The following KCNH8 variants were observed in gnomAD, a reference collection of about 807,000 sequenced individuals.
The protein encoded by KCNH8 is voltage-gated delayed rectifier potassium channel KCNH8.
A neutral mutation model predicts 103.6 loss-of-function variants in KCNH8; 70 were observed. The ratio of observed to expected loss-of-function variants is 0.68; its 90% CI spans 0.56 to 0.82. KCNH8 has a LOEUF of 0.82. KCNH8 is among the 40% of genes least tolerant of loss of function. The probability of loss-of-function intolerance (pLI) is 0.00; values close to 1 mark genes in which losing one functional copy is unlikely to be tolerated. For missense variants in KCNH8, 1,217 were observed against 1,329.9 expected, an observed-to-expected ratio of 0.92 and a Z score of 1.32; for synonymous variants, 498 against 489.4, an observed-to-expected ratio of 1.02 and a Z score of -0.23.
intron 11 of KCNH8, among the ~76,000 whole-genome samples, chr3:19,481,947 A>G (rs1354534000): frequency 1.3e-5 from 2 of 152,194 alleles, no homozygotes; most frequent in Non-Finnish European, 2.9e-5. Context: ...CCCCTCAGAC[A>G]ACAATTTGTA....
At chr3:19,204,280 T>C (rs771735860) in intron 1 of KCNH8, among the ~76,000 whole-genome samples, 15 of 152,096 alleles carry the variant, frequency 9.9e-5, no homozygotes, top group Non-Finnish European at 2.1e-4. Context: ...CTAATGTGTC[T>C]GTGAGAGCCC....
intron 8 of KCNH8, among the ~76,000 whole-genome samples, chr3:19,443,306 A>G (rs1043561681): frequency 6.6e-6 from 1 of 151,108 alleles, no homozygotes; most frequent in African/African-American, 2.4e-5. Context: ...AAAATGCTGA[A>G]TGGATCCACC....
chr3:19,484,149 C>A lies in KCNH8; in HGVS notation c.2041-26214C>A, dbSNP rs373207574. Reference sequence around the variant, plus strand: ...ACTTTACTTGTATTATTTATGAGTCCTCACCAGTCTTTAGTTCTTAATCTT... The same window carrying A: ...ACTTTACTTGTATTATTTATGAGTCATCACCAGTCTTTAGTTCTTAATCTT... On this transcript the variant is annotated intron_variant, in intron 11 of 15. Transcript: ENST00000328405. Among the ~76,000 whole-genome samples, 360 of 152,198 alleles carry A rather than the reference C, an allele frequency of 2.4e-3. 4 individuals are homozygous for A. Among genetic ancestry groups the A allele is most frequent in the African/African-American group, 8.0e-3 (333 of 41,506 alleles).
At chr3:19,292,815 G>T (rs546992915) in intron 3 of KCNH8, among the ~76,000 whole-genome samples, 1 of 152,158 alleles carries the variant, frequency 6.6e-6, no homozygotes, top group Non-Finnish European at 1.5e-5. Context: ...CAAAAGCCAA[G>T]GGCCTCTTTC....
chr3:19,518,959 G>C (rs2068924629), intron 15 of KCNH8, among the ~76,000 whole-genome samples: 1 of 152,028 alleles, frequency 6.6e-6, no homozygotes, highest in Non-Finnish European at 1.5e-5. Flanking sequence ...TATAATTAAA[G>C]AACAGAGAAG....
At chr3:19,384,259 A>G (rs2066326393) in intron 5 of KCNH8, among the ~76,000 whole-genome samples, 1 of 152,254 alleles carries the variant, frequency 6.6e-6, no homozygotes, top group African/African-American at 2.4e-5. Context: ...ATGATTGCAG[A>G]TTAATAAAAT....
intron 15 of KCNH8, among the ~76,000 whole-genome samples, chr3:19,528,808 T>G (rs1454180070): frequency 3.9e-5 from 6 of 152,152 alleles, no homozygotes; most frequent in Non-Finnish European, 8.8e-5. Flanking sequence ...GAGTGCATGT[T>G]GTATTCTAGG....
intron 3 of KCNH8, among the ~76,000 whole-genome samples, chr3:19,330,430 A>G (rs964000738): frequency 2.0e-5 from 3 of 152,210 alleles, no homozygotes; most frequent in African/African-American, 4.8e-5. Flanking sequence ...GATGTCTCAC[A>G]GTATCTTCCT....
chr3:19,508,971 A>G (rs953529232), intron 11 of KCNH8, among the ~76,000 whole-genome samples: 1 of 152,158 alleles, frequency 6.6e-6, no homozygotes. Context: ...CCTGAATCCC[A>G]TTGTCATGTT....
At position 19,257,007 on chromosome 3, in the gene KCNH8, C is replaced by T. The variant is rs1387209485; in HGVS notation, c.310+3120C>T. Among the ~76,000 whole-genome samples the T allele has an allele frequency of 4.6e-5, 7 of 152,030 alleles. No individual in the cohort carries two copies. In the East Asian group the frequency reaches 1.4e-3, roughly 29 times the overall value. On this transcript the variant is annotated intron_variant, in intron 2 of 15. Transcript: ENST00000328405. ...ATCCCCAGTGCCTGACGCCTGGGGT[C>T]TCAAACAGTGTTCATCAGATGGTAG...
At chr3:19,176,538 A>G (rs1234300352) in intron 1 of KCNH8, among the ~76,000 whole-genome samples, 2 of 152,162 alleles carry the variant, frequency 1.3e-5, no homozygotes, top group Admixed American at 1.3e-4. Flanking sequence ...TTTTAAGACT[A>G]TCATTATCTT....
At chr3:19,311,194 C>T (rs940354943) in intron 3 of KCNH8, among the ~76,000 whole-genome samples, 8 of 151,712 alleles carry the variant, frequency 5.3e-5, no homozygotes, top group African/African-American at 1.9e-4. Flanking sequence ...ATAATAATGA[C>T]AACTAACATT....
intron 7 of KCNH8, among the ~76,000 whole-genome samples, chr3:19,405,033 AC>A (rs1179542759): frequency 1.3e-5 from 2 of 151,862 alleles, no homozygotes; most frequent in Non-Finnish European, 2.9e-5. Flanking sequence ...ATTAGGAAAA[AC>A]ATCCCTGCCC....
intron 5 of KCNH8, among the ~76,000 whole-genome samples, chr3:19,378,351 A>T (rs2125122653): frequency 6.6e-6 from 1 of 152,206 alleles, no homozygotes; most frequent in South Asian, 2.1e-4. Flanking sequence ...ATGGTCAGTT[A>T]TTTTTTGCCA....
At chr3:19,525,426 C>T (rs547652912) in intron 15 of KCNH8, among the ~76,000 whole-genome samples, 26 of 151,844 alleles carry the variant, frequency 1.7e-4, no homozygotes, top group Non-Finnish European at 3.8e-4. Flanking sequence ...TCTATACAAC[C>T]AGTATTCTGA....
intron 12 of KCNH8, among the ~76,000 whole-genome samples, chr3:19,511,361 C>A (rs1196141272): frequency 6.6e-6 from 1 of 152,146 alleles, no homozygotes; most frequent in Non-Finnish European, 1.5e-5. Flanking sequence ...GAAATTTCCA[C>A]AAACTTGTAG....
At chr3:19,387,105 T>C (rs766541501) in intron 5 of KCNH8, among the ~76,000 whole-genome samples, 1 of 152,070 alleles carries the variant, frequency 6.6e-6, no homozygotes, top group Non-Finnish European at 1.5e-5. Context: ...GAAAACAGAG[T>C]AACTTCTCTG....
At position 19,413,386 on chromosome 3, in the gene KCNH8, G is replaced by C. The variant is rs570442702; in HGVS notation, c.1177+18075G>C. 9.2e-5 allele frequency among the ~76,000 whole-genome samples: 14 copies of C among 152,076 alleles called. No individual in the cohort carries two copies. The East Asian group carries it at 2.7e-3, about 29-fold the overall frequency. On this transcript the variant is annotated intron_variant, in intron 7 of 15. Coordinates refer to ENST00000328405, the MANE Select transcript of KCNH8 (RefSeq NM_144633.3). Reference sequence around the variant, plus strand: ...CAACTGGGGACTACTAGAGAAGGGAGGGAAGGAGGGAGAAGGGCAAGAGTT... The same window carrying C: ...CAACTGGGGACTACTAGAGAAGGGACGGAAGGAGGGAGAAGGGCAAGAGTT...
At chr3:19,498,698 C>T (rs886903884) in intron 11 of KCNH8, among the ~76,000 whole-genome samples, 1 of 152,128 alleles carries the variant, frequency 6.6e-6, no homozygotes, top group Admixed American at 6.5e-5. Context: ...GTTTTTTCCC[C>T]ATCTTTGTGG....
Sources: gnomAD v4.1 joint callset for allele counts (sites outside exome capture counted in the v4.1 genomes callset) on GRCh38, gnomAD v4.1.1 for gene constraint, MANE v1.5 for transcripts, NCBI Gene and HGNC (gene_info 2026-07-23, HGNC 2026-07-21) for gene names.